The following HK3 variants were observed in gnomAD, a reference collection of about 807,000 sequenced individuals.
HK3 encodes the protein hexokinase 3.
In HK3, 93 loss-of-function variants were observed where a neutral mutation model predicts 91.0. The ratio of observed to expected loss-of-function variants is 1.02; its 90% confidence interval spans 0.86 to 1.21. The LOEUF (loss-of-function observed/expected upper bound fraction) is 1.21, where lower values mean the gene tolerates loss of function less well. Among genes scored for constraint, HK3 ranks in the 50% most tolerant of loss-of-function variants. The pLI is 0.00. For missense variants in HK3, 1,235 were observed against 1,247.4 expected (o/e 0.99, Z 0.15); for synonymous variants, 519 against 516.9 (o/e 1.00, Z -0.06).
chr5:176,890,658 T>TCAG lies in HK3; in HGVS notation c.604_606dup (p.Leu202dup), dbSNP rs761514170. ...ACCCCCTGCCTCCGAATGGCATCTC[T>TCAG]CAGCAGCTGGACCACATCCTGGCCT... On this transcript the variant is annotated inframe_insertion, in exon 6 of 19. Coordinates refer to ENST00000292432, the MANE Select transcript of HK3 (RefSeq NM_002115.3). 1.5e-5 allele frequency: 24 copies of TCAG among 1,613,964 alleles called. No individual in the cohort carries two copies. The highest frequency in any genetic ancestry group is 1.9e-5 in the Non-Finnish European group (23 of 1,179,966).
Position 176,887,012 on chromosome 5 carries a change from C to G in HK3, c.1847G>C (p.Gly616Ala), listed in dbSNP as rs1219678220. Residue 616 changes from glycine (G) to alanine (A), a missense_variant, in exon 13 of 19, where the codon GGC becomes GCC. Around this residue, in one of 3 missense-constraint regions of HK3, gnomAD observed 513 missense variants for 477.4 expected, o/e 1.07. Transcript: ENST00000292432. This position sits in a 1 kb window ranked among gnomAD's most constrained non-coding sequence, Gnocchi z 4.9. ...TTGGCCCTCCCTCACCTGGTCTAGGCCAAGCTGCCTACATGGGAAGGAGAA... is the reference window on the plus strand; with the variant it reads ...TTGGCCCTCCCTCACCTGGTCTAGGGCAAGCTGCCTACATGGGAAGGAGAA... ...FTFSFPCRQL[G>A]LDQGILLNWT... 3.7e-6 allele frequency: 6 copies of G among 1,613,972 alleles called. No individual in the cohort carries two copies. Among genetic ancestry groups the G allele is most frequent in the Non-Finnish European group, 5.1e-6 (6 of 1,180,010 alleles).
chr5:176,887,828 C>T lies in HK3; in HGVS notation c.1305-82G>A. 1.4e-6 allele frequency: 2 copies of T among 1,434,022 alleles called. No individual in the cohort carries two copies. The highest frequency in any genetic ancestry group is 2.6e-5 in the South Asian group (2 of 76,192). The allele number at this position is 1,434,022 out of a possible 1,614,324, so 88.8% of individuals were successfully genotyped here. A position where few individuals can be genotyped will look rare whatever the true frequency, so the allele number is the denominator to read the frequency against. On this transcript the variant is annotated intron_variant, in intron 10 of 18. Coordinates refer to ENST00000292432, the MANE Select transcript of HK3 (RefSeq NM_002115.3). The surrounding 1 kb of genome is among the most constrained non-coding windows in gnomAD (Gnocchi z 4.9). Reference sequence around the variant, plus strand: ...TGTGCACGGCTTGGCCCTGGACCCCCAGATACATACAGGTGTGCCCAGCTT... The same window carrying T: ...TGTGCACGGCTTGGCCCTGGACCCCTAGATACATACAGGTGTGCCCAGCTT...
Position 176,881,738 on chromosome 5 carries a change from G to A in HK3, c.2347C>T (p.Gln783Ter). ...TTGGTCTTGAAGATGTCCCTGGTCT[G>A]AAGGCGCTGGATCTGCTGGCCCCGG... ...LFRGQQIQRL[Q>*]TRDIFKTKFL... The change falls in exon 17 of 19, where the codon CAG becomes TAG. Residue 783 changes from glutamine (Q) to a stop codon, truncating the protein, a stop_gained. Transcript: ENST00000292432. LOFTEE classifies it high-confidence loss of function. The A allele has an allele frequency of 4.3e-6, 7 of 1,614,174 alleles. No individual in the cohort carries two copies. The highest frequency in any genetic ancestry group is 5.9e-6 in the Non-Finnish European group (7 of 1,180,036).
chr5:176,884,414 C>T lies in HK3; in HGVS notation c.1858-280G>A, dbSNP rs944177116. On this transcript the variant is annotated intron_variant, in intron 13 of 18. Coordinates refer to ENST00000292432, the MANE Select transcript of HK3 (RefSeq NM_002115.3). The surrounding 1 kb of genome is among the most constrained non-coding windows in gnomAD (Gnocchi z 4.1). ...GTCTGGCCATTTTAAGACGTGTGCC[C>T]GGAAGGAATGGCCCTTTGTAATTGG... Among the ~76,000 whole-genome samples, 3 of 152,150 alleles carry T rather than the reference C, an allele frequency of 2.0e-5. No individual in the cohort carries two copies. The highest frequency in any genetic ancestry group is 2.1e-4 in the South Asian group (1 of 4,824).
Position 176,889,729 on chromosome 5 carries a change from C to G in HK3, c.646G>C (p.Val216Leu). 4.3e-6 allele frequency: 7 copies of G among 1,613,992 alleles called. No homozygotes were observed. The highest frequency in any genetic ancestry group is 2.2e-5 in the East Asian group (1 of 44,876). ...IRRQGAYNID[V>L]VAVVNDTVGT... ...ACTGTGTCGTTCACCACAGCAACCA[C>G]GTCGATGTTGTAGGCCTAGATGATG... The change falls in exon 7 of 19, where the codon GTG (valine) becomes CTG (leucine). Residue 216 changes from valine to leucine, a missense_variant. By Grantham distance (32) the Val-to-Leu change is conservative. Coordinates refer to ENST00000292432, the MANE Select transcript of HK3 (RefSeq NM_002115.3).
rs372392371 is a variant in HK3 at position 176,887,212 on chromosome 5, A to G, written c.1726T>C (p.Ser576Pro). The change falls in exon 12 of 19, where the codon TCT (serine) becomes CCT (proline). Residue 576 changes from serine (S) to proline (P), a missense_variant. Physicochemically the swap from Ser to Pro is moderately conservative, Grantham distance 74. Coordinates refer to ENST00000292432, the MANE Select transcript of HK3 (RefSeq NM_002115.3). The surrounding 1 kb of genome is among the most constrained non-coding windows in gnomAD (Gnocchi z 4.9). ...YSIPETVAQG[S>P]GQQLFDHIVD... is the part of the protein sequence containing the mutation. The stretch of plus-strand genomic sequence containing the variant: ...CAGGCTGTGGGTACCTGCTGCCCAG[A>G]ACCCTGGGCCACAGTCTCGGGAATG... 8.7e-6 allele frequency: 14 copies of G among 1,614,146 alleles called. No homozygotes were observed. The South Asian group carries it at 9.9e-5, about 11-fold the overall frequency.
rs1758411576 is a variant in HK3, at chr5:176,881,096, G to C, written c.2749C>G (p.Leu917Val). The C allele has an allele frequency of 5.0e-6, 8 of 1,610,464 alleles. No individual in the cohort carries two copies. In the East Asian group the frequency reaches 1.8e-4, roughly 36 times the overall value. ...AALVTAVACR[L>V]AQLTRV is the part of the protein sequence containing the mutation. ...CCTCAGACACGAGTCAACTGCGCAA[G>C]GCGGCAGGCAACAGCGGTGACCAGG... The change falls in exon 19 of 19, where the codon CTT becomes GTT. Residue 917 changes from leucine to valine, a missense_variant. By Grantham distance (32) the Leu-to-Val change is conservative. Transcript: ENST00000292432.
chr5:176,886,458 G>T (rs777752853), intron 13 of HK3, among the ~76,000 whole-genome samples: 8 of 151,860 alleles, frequency 5.3e-5, no homozygotes, highest in African/African-American at 1.9e-4. Flanking sequence ...CCAGAGGCCC[G>T]GGAGGTATTG....
In HK3 at chr5:176,884,111, C is replaced by T. The variant is rs267600565; in HGVS notation, c.1881G>A (p.Lys627=). Residue 627 remains lysine (K), a synonymous_variant, in exon 14 of 19, where the codon AAG becomes AAA. Coordinates refer to ENST00000292432, the MANE Select transcript of HK3 (RefSeq NM_002115.3). The surrounding 1 kb of genome is among the most constrained non-coding windows in gnomAD (Gnocchi z 4.1). ...CCTCGCAGTCTGATGCCTTGAAACC[C>T]TTGGTCCAGTTCAGGAGGATGCCCT... ...LDQGILLNWT[K]GFKASDCEGQ... The T allele has an allele frequency of 6.2e-7, 1 of 1,614,116 alleles. No homozygotes were observed.
rs1328406275 is a variant in HK3 at position 176,881,060 on chromosome 5, C to T, written c.*13G>A. 1 of 1,591,392 alleles carries T rather than the reference C, an allele frequency of 6.3e-7. No individual in the cohort carries two copies. Among genetic ancestry groups the T allele is most frequent in the Non-Finnish European group, 8.6e-7 (1 of 1,168,702 alleles). On this transcript the variant is annotated 3_prime_UTR_variant, in exon 19 of 19. Transcript: ENST00000292432. The stretch of plus-strand genomic sequence containing the variant: ...AAGGCTGCGGCGGAGACCTCCTCAG[C>T]CTGGAGGTTTCCTCAGACACGAGTC...
At chr5:176,898,362 T>C (rs1758957725) in intron 1 of HK3, among the ~76,000 whole-genome samples, 1 of 152,218 alleles carries the variant, frequency 6.6e-6, no homozygotes, top group Non-Finnish European at 1.5e-5. Context: ...CCCCAAACCA[T>C]ACATACCTAT....
At chr5:176,895,782 A>G (rs193066450) in intron 2 of HK3, among the ~76,000 whole-genome samples, 84 of 152,350 alleles carry the variant, frequency 5.5e-4, no homozygotes, top group African/African-American at 2.0e-3. Flanking sequence ...CAAGGTGGCA[A>G]AAATGACATG....
At position 176,888,525 on chromosome 5, in the gene HK3, C is replaced by T. The variant is rs1031308657; in HGVS notation, c.1111G>A (p.Asp371Asn). 1 of 1,556,872 alleles carries T rather than the reference C, an allele frequency of 6.4e-7. No individual in the cohort carries two copies. Among genetic ancestry groups the T allele is most frequent in the Non-Finnish European group, 8.7e-7 (1 of 1,149,528 alleles). Residue 371 changes from aspartate (D) to asparagine (N), a missense_variant, in exon 10 of 19, where the codon GAC becomes AAC. Around this residue, in one of 3 missense-constraint regions of HK3, gnomAD observed 717 missense variants for 751.6 expected, o/e 0.95. Coordinates refer to ENST00000292432, the MANE Select transcript of HK3 (RefSeq NM_002115.3). The stretch of plus-strand genomic sequence containing the variant: ...GAAGCCCCAGGGCTCAGGCCCAAGT[C>T]CTGCAGGATAGCATGGACACGGGCT... ...GAARVHAILQ[D>N]LGLSPGASDV... is the part of the protein sequence containing the mutation.
At position 176,887,200 on chromosome 5, in the gene HK3, C is replaced by G. The variant is rs1342739900; in HGVS notation, c.1737+1G>C. ...GACATCAAGGTTCAGGCTGTGGGTA[C>G]CTGCTGCCCAGAACCCTGGGCCACA... On this transcript the variant is annotated splice_donor_variant, in intron 12 of 18. Transcript: ENST00000292432. LOFTEE classifies it high-confidence loss of function. This position sits in a 1 kb window ranked among gnomAD's most constrained non-coding sequence, Gnocchi z 4.9. 1 of 1,614,124 alleles carries G rather than the reference C, an allele frequency of 6.2e-7. No individual in the cohort carries two copies. Among genetic ancestry groups the G allele is most frequent in the Non-Finnish European group, 8.5e-7 (1 of 1,180,020 alleles).
Position 176,884,150 on chromosome 5 carries a change from G to C in HK3, c.1858-16C>G, listed in dbSNP as rs756176345. ...GGAGGATGCCCTGGGGTGAGACCGA[G>C]AGGAAGTGGCAGGAAGCTGGAGGCC... On this transcript the variant is annotated splice_polypyrimidine_tract_variant and intron_variant, in intron 13 of 18. Transcript: ENST00000292432. The surrounding 1 kb of genome is among the most constrained non-coding windows in gnomAD (Gnocchi z 4.1). 4 of 1,610,322 alleles carry C rather than the reference G, an allele frequency of 2.5e-6. No individual in the cohort carries two copies. The highest frequency in any genetic ancestry group is 2.2e-5 in the East Asian group (1 of 44,862).
At chr5:176,881,585 C>A in intron 17 of HK3, 50 bp from the exon 18 acceptor site, 1 of 1,585,186 alleles carries the variant, frequency 6.3e-7, no homozygotes. Flanking sequence ...GTGACTTCTC[C>A]CACTTCATCC....
intron 15 of HK3, among the ~76,000 whole-genome samples, chr5:176,882,943 G>A (rs1758482802): frequency 6.6e-6 from 1 of 152,294 alleles, no homozygotes; most frequent in Non-Finnish European, 1.5e-5. Flanking sequence ...TCCCCCTCAA[G>A]AGAGGCTGCC....
In HK3 at chr5:176,881,473, G is replaced by A. The variant is rs756561004; in HGVS notation, c.2456C>T (p.Ser819Leu). 1 of 1,608,366 alleles carries A rather than the reference G, an allele frequency of 6.2e-7. No homozygotes were observed. ...ILEDLGLPLT[S>L]DDALMVLEVC... ...CTCTAGCACCATCAGGGCGTCATCTGAGGTCAGGGGTAGCCCCAGATCCTC... is the reference window on the plus strand; with the variant it reads ...CTCTAGCACCATCAGGGCGTCATCTAAGGTCAGGGGTAGCCCCAGATCCTC... The change falls in exon 18 of 19, where the codon TCA (serine) becomes TTA (leucine). Residue 819 changes from serine (S) to leucine (L), a missense_variant. By Grantham distance (145) the Ser-to-Leu change is moderately radical. Coordinates refer to ENST00000292432, the MANE Select transcript of HK3 (RefSeq NM_002115.3).
Position 176,882,083 on chromosome 5 carries a change from C to G in HK3, c.2098G>C (p.Ala700Pro), listed in dbSNP as rs375907484. Residue 700 changes from alanine to proline, a missense_variant, in exon 16 of 19, where the codon GCG (alanine) becomes CCG (proline). Physicochemically the swap from Ala to Pro is conservative, Grantham distance 27. This residue lies in a region of HK3 where 513 missense variants were observed against 477.4 expected (regional missense o/e 1.07). Transcript: ENST00000292432. Reference protein sequence around the residue: ...ACYMEELRNVAGVPGDSGRMC... With the variant: ...ACYMEELRNVPGVPGDSGRMC... ...CGGCCTGAGTCCCCAGGCACGCCCGCCACATTCCGGAGCTCCTCCATGTAG... is the reference window on the plus strand; with the variant it reads ...CGGCCTGAGTCCCCAGGCACGCCCGGCACATTCCGGAGCTCCTCCATGTAG... 1.3e-5 allele frequency: 21 copies of G among 1,613,054 alleles called. No individual in the cohort carries two copies. The highest frequency in any genetic ancestry group is 1.6e-4 in the Middle Eastern group (1 of 6,082).
Sources: allele counts gnomAD v4.1 joint callset (sites outside exome capture counted in the v4.1 genomes callset), GRCh38; gene constraint gnomAD v4.1.1; regional missense constraint gnomAD v4.1.1; non-coding constraint Gnocchi (gnomAD v3.1); transcripts MANE v1.5; gene names NCBI Gene and HGNC (gene_info 2026-07-23, HGNC 2026-07-21).